The following RGS7 variants were observed in gnomAD, a reference collection of about 807,000 sequenced individuals.
The protein encoded by RGS7 is regulator of G protein signaling 7.
RGS7 carries 27 observed loss-of-function variants against 81.1 expected under a neutral mutation model. The ratio of observed to expected loss-of-function variants is 0.33; its 90% CI spans 0.25 to 0.46. RGS7 has a LOEUF of 0.46. Among genes scored for constraint, RGS7 ranks in the 20% least tolerant of loss-of-function variants. RGS7 has a pLI of 1.00. For missense variants in RGS7, 396 were observed against 607.4 expected (o/e 0.65, Z 3.66); for synonymous variants, 208 against 207.7 (o/e 1.00, Z -0.01).
chr1:241,165,380 C>G (rs2070108108), intron 2 of RGS7, among the ~76,000 whole-genome samples: 1 of 151,818 alleles, frequency 6.6e-6, no homozygotes, highest in Non-Finnish European at 1.5e-5. Flanking sequence ...TGGAACCAAC[C>G]CAAATGTCCA....
intron 18 of RGS7, among the ~76,000 whole-genome samples, chr1:240,781,780 C>T (rs528603920): frequency 6.6e-6 from 1 of 152,192 alleles, no homozygotes; most frequent in South Asian, 2.1e-4. Context: ...TTTGGGAGGC[C>T]GAGGCAGGTG....
intron 2 of RGS7, among the ~76,000 whole-genome samples, chr1:241,227,645 G>A (rs1268388380): frequency 6.6e-6 from 1 of 151,704 alleles, no homozygotes; most frequent in Non-Finnish European, 1.5e-5. Context: ...AGCTGAGATG[G>A]GAGGTTTGCT....
chr1:241,212,121 A>G (rs538903487), intron 2 of RGS7, among the ~76,000 whole-genome samples: 1 of 151,852 alleles, frequency 6.6e-6, no homozygotes, highest in Non-Finnish European at 1.5e-5. Context: ...ATTAATAAAT[A>G]ATAGTTAATT....
chr1:241,224,093 CTTTAA>C (rs907096325), intron 2 of RGS7, among the ~76,000 whole-genome samples: 4 of 148,906 alleles, frequency 2.7e-5, no homozygotes, highest in South Asian at 2.1e-4. Context: ...ATATATATTT[CTTTAA>C]TTTATTTTTT....
chr1:241,129,134 T>G (rs2066900493), intron 2 of RGS7, among the ~76,000 whole-genome samples: 1 of 152,138 alleles, frequency 6.6e-6, no homozygotes, highest in Non-Finnish European at 1.5e-5. Context: ...CAGGTGAGCT[T>G]CTTACCCTCA....
chr1:241,326,962 AAGAGAG>A (rs374037886), intron 2 of RGS7, among the ~76,000 whole-genome samples: 53 of 124,548 alleles, frequency 4.3e-4, no homozygotes, highest in Non-Finnish European at 7.0e-4. Flanking sequence ...GGAAGGAAGG[AAGAGAG>A]AGAGAGAGAG....
At chr1:241,134,817 G>A (rs919286504) in intron 2 of RGS7, among the ~76,000 whole-genome samples, 1 of 152,130 alleles carries the variant, frequency 6.6e-6, no homozygotes, top group East Asian at 1.9e-4. Flanking sequence ...TTGAAGAGAT[G>A]AGAAACTCCT....
chr1:241,098,467 A>G (rs2064459592), intron 3 of RGS7, among the ~76,000 whole-genome samples, 199 bp downstream of exon 3: 1 of 152,190 alleles, frequency 6.6e-6, no homozygotes, highest in African/African-American at 2.4e-5. Flanking sequence ...ACTAACCTAG[A>G]GCAGGGTCAT....
At chr1:240,894,497 A>G (rs1005083642) in intron 6 of RGS7, among the ~76,000 whole-genome samples, 5 of 151,964 alleles carry the variant, frequency 3.3e-5, no homozygotes, top group Admixed American at 3.3e-4. Flanking sequence ...TCCTTATGCA[A>G]CTGTGCAGCA....
At chr1:241,059,572 T>C (rs2061642158) in intron 3 of RGS7, among the ~76,000 whole-genome samples, 1 of 152,146 alleles carries the variant, frequency 6.6e-6, no homozygotes, top group African/African-American at 2.4e-5. Context: ...ACATAATTTT[T>C]CGTTTGTGGA....
At chr1:241,246,653 G>C (rs2076565658) in intron 2 of RGS7, among the ~76,000 whole-genome samples, 1 of 152,086 alleles carries the variant, frequency 6.6e-6, no homozygotes, top group African/African-American at 2.4e-5. Flanking sequence ...AGGCAAAGTG[G>C]ATTCTGCAAT....
At chr1:241,333,850 G>C (rs930412425) in intron 2 of RGS7, among the ~76,000 whole-genome samples, 1 of 150,284 alleles carries the variant, frequency 6.7e-6, no homozygotes, top group Non-Finnish European at 1.5e-5. Context: ...TTGCATCTTA[G>C]TTGTCTCTTC....
intron 9 of RGS7, among the ~76,000 whole-genome samples, chr1:240,853,817 C>T (rs1026212342): frequency 4.5e-5 from 6 of 132,280 alleles, no homozygotes; most frequent in African/African-American, 8.4e-5. Flanking sequence ...AGGAGAATGG[C>T]GTGAACCCGG....
At chr1:241,173,156 C>T (rs6658400) in intron 2 of RGS7, among the ~76,000 whole-genome samples, 93,709 of 152,064 alleles carry the variant, frequency 0.62, 29,706 homozygotes, top group East Asian at 0.81. Flanking sequence ...TATCGCTCAA[C>T]AAAGTGACTG....
chr1:241,044,992 T>C (rs2060840367), intron 3 of RGS7, among the ~76,000 whole-genome samples: 1 of 152,222 alleles, frequency 6.6e-6, no homozygotes, highest in South Asian at 2.1e-4. Context: ...TCTGTAGTGC[T>C]GATTCTGTAC....
At chr1:241,345,110 G>A (rs917225785) in intron 2 of RGS7, among the ~76,000 whole-genome samples, 1 of 152,198 alleles carries the variant, frequency 6.6e-6, no homozygotes, top group African/African-American at 2.4e-5. Flanking sequence ...TGGAGGCCAT[G>A]ATCCTCAGCA....
intron 6 of RGS7, among the ~76,000 whole-genome samples, chr1:240,883,345 T>A (rs1274279227): frequency 2.6e-4 from 39 of 152,186 alleles, no homozygotes; most frequent in African/African-American, 8.9e-4. Flanking sequence ...ATAAAAATTT[T>A]TTAAAAAAAC....
chr1:241,289,377 C>G (rs537331502), intron 2 of RGS7, among the ~76,000 whole-genome samples: 3 of 152,154 alleles, frequency 2.0e-5, no homozygotes, highest in Non-Finnish European at 4.4e-5. Context: ...TGGGAAACTC[C>G]CCTTGATCCA....
intron 3 of RGS7, among the ~76,000 whole-genome samples, chr1:240,996,163 T>A (rs1429685054): frequency 6.6e-6 from 1 of 152,206 alleles, no homozygotes; most frequent in East Asian, 1.9e-4. Flanking sequence ...ATACTTGGTA[T>A]AATGTCTGTT....
Sources: allele counts gnomAD v4.1 joint callset (sites outside exome capture counted in the v4.1 genomes callset), GRCh38; gene constraint gnomAD v4.1.1; transcripts MANE v1.5; gene names NCBI Gene and HGNC (gene_info 2026-07-23, HGNC 2026-07-21).